Variants in RICTOR observed in about 807,000 individuals in gnomAD.
RICTOR encodes RPTOR independent companion of MTOR complex 2, also known as rapamycin-insensitive companion of mTOR.
RICTOR carries 49 observed loss-of-function variants against 214.9 expected under a neutral mutation model. The observed-to-expected ratio is 0.23, with a 90% CI of 0.18 to 0.29. The LOEUF (loss-of-function observed/expected upper bound fraction) is 0.29. Ranked by LOEUF, RICTOR falls within the 10% of genes least tolerant of loss-of-function variation. The probability of loss-of-function intolerance (pLI) is 1.00; values close to 1 mark genes in which losing one functional copy is unlikely to be tolerated. For missense variants in RICTOR, 1,625 were observed against 2,047.0 expected (o/e 0.79, Z 3.98); for synonymous variants, 717 against 711.3 (o/e 1.01, Z -0.13).
In RICTOR at chr5:39,009,123, A is replaced by G. The variant is rs373860023; in HGVS notation, c.196-5501T>C. 9.9e-5 allele frequency among the ~76,000 whole-genome samples: 15 copies of G among 152,280 alleles called. 1 individual carries two copies. The South Asian group carries it at 3.1e-3, about 32-fold the overall frequency. The stretch of plus-strand genomic sequence containing the variant: ...AATGAAAGGTTGTAAAATTCTACAA[A>G]TATACAAAGTCTTGTCCTTTAAAAG... On this transcript the variant is annotated intron_variant, in intron 3 of 37. Coordinates refer to ENST00000357387, the MANE Select transcript of RICTOR (RefSeq NM_152756.5).
chr5:39,057,223 C>G (rs570744418), intron 2 of RICTOR, among the ~76,000 whole-genome samples: 2 of 152,146 alleles, frequency 1.3e-5, no homozygotes, highest in African/African-American at 4.8e-5. Context: ...AAAGGCCTTA[C>G]AAGCTTTAGC....
intron 10 of RICTOR, among the ~76,000 whole-genome samples, 165 bp downstream of exon 10, chr5:38,975,372 C>T (rs1019119832): frequency 7.9e-5 from 12 of 152,108 alleles, no homozygotes; most frequent in African/African-American, 9.7e-5. Context: ...AAATTTCCTT[C>T]ACCATATTTT....
chr5:39,048,586 T>C (rs373382813), intron 2 of RICTOR, among the ~76,000 whole-genome samples: 1 of 152,192 alleles, frequency 6.6e-6, no homozygotes, highest in Non-Finnish European at 1.5e-5. Flanking sequence ...GGAACTAGCA[T>C]GTCCTGTGTG....
At chr5:38,997,029 T>C (rs1304609317) in intron 5 of RICTOR, 147 bp from the exon 6 acceptor site, 3 of 613,332 alleles carry the variant, frequency 4.9e-6, no homozygotes, top group South Asian at 4.1e-5. Context: ...CAGCATATAT[T>C]TATTTAATTA....
intron 2 of RICTOR, among the ~76,000 whole-genome samples, chr5:39,048,098 A>AACT (rs1413544133): frequency 6.6e-6 from 1 of 152,228 alleles, no homozygotes; most frequent in African/African-American, 2.4e-5. Flanking sequence ...CCCTAAGAAC[A>AACT]ACTACCTGGC....
At chr5:39,071,785 G>A (rs1260810548) in intron 2 of RICTOR, among the ~76,000 whole-genome samples, 4 of 152,138 alleles carry the variant, frequency 2.6e-5, no homozygotes, top group Non-Finnish European at 5.9e-5. Context: ...ACTACACAAT[G>A]AATCTCTCAA....
At chr5:39,029,364 AT>A (rs1756096915) in intron 2 of RICTOR, among the ~76,000 whole-genome samples, 1 of 152,108 alleles carries the variant, frequency 6.6e-6, no homozygotes, top group Non-Finnish European at 1.5e-5. Flanking sequence ...CTAATTATTC[AT>A]TTATTTATTT....
At chr5:38,997,065 T>A (rs1036152368) in intron 5 of RICTOR, among the ~76,000 whole-genome samples, 183 bp from the exon 6 acceptor site, 1 of 152,138 alleles carries the variant, frequency 6.6e-6, no homozygotes, top group Non-Finnish European at 1.5e-5. Flanking sequence ...GGGATAAATA[T>A]CTGTCATTTA....
At chr5:38,983,021 T>C (rs1001618862) in intron 7 of RICTOR, among the ~76,000 whole-genome samples, 1 of 152,134 alleles carries the variant, frequency 6.6e-6, no homozygotes, top group Admixed American at 6.6e-5. Flanking sequence ...CTTAATGGTA[T>C]AGTTCAATAA....
intron 15 of RICTOR, among the ~76,000 whole-genome samples, chr5:38,966,323 T>C (rs1052744925): frequency 6.6e-6 from 1 of 152,244 alleles, no homozygotes; most frequent in African/African-American, 2.4e-5. Context: ...GAAGTCTTTC[T>C]GAGATCAATT....
At chr5:38,967,004 T>A in intron 14 of RICTOR, 157 bp downstream of exon 14, 1 of 686,192 alleles carries the variant, frequency 1.5e-6, no homozygotes, top group Non-Finnish European at 2.6e-6. Flanking sequence ...TTTCACCATG[T>A]TGGTCAGGCT....
Position 38,959,926 on chromosome 5 carries a change from T to C in RICTOR, c.1904A>G (p.Asn635Ser), listed in dbSNP as rs1282067199. The part of the protein sequence containing the change: ...DLVKDIVQWL[N>S]ASSGMKPERS... ...TTCGGGTTTCATTCCAGATGAAGCA[T>C]TGAGCCACTGAACAATATCCTTTAC... The change falls in exon 21 of 38, where the codon AAT (asparagine) becomes AGT (serine). Residue 635 changes from asparagine (N) to serine (S), a missense_variant. By Grantham distance (46) the Asn-to-Ser change is conservative (BLOSUM62 1). Coordinates refer to ENST00000357387, the MANE Select transcript of RICTOR (RefSeq NM_152756.5). 4.3e-6 allele frequency: 7 copies of C among 1,613,412 alleles called. No homozygotes were observed. Among genetic ancestry groups the C allele is most frequent in the East Asian group, 2.2e-5 (1 of 44,830 alleles).
At chr5:38,975,853 C>T (rs10473126) in intron 9 of RICTOR, among the ~76,000 whole-genome samples, 147,249 of 152,324 alleles carry the variant, frequency 0.97, 71,228 homozygotes, top group East Asian at 0.99. Flanking sequence ...ATTCCTGCTC[C>T]CTGAAAACTA....
chr5:38,945,095 T>G (rs756890320), intron 34 of RICTOR, 27 bp from the exon 35 acceptor site: 7 of 1,508,140 alleles, frequency 4.6e-6, no homozygotes, highest in South Asian at 1.2e-5. Context: ...TTATTTCAAT[T>G]AAAGCACCAT....
intron 19 of RICTOR, among the ~76,000 whole-genome samples, chr5:38,961,346 C>T (rs1749777656): frequency 6.6e-6 from 1 of 152,068 alleles, no homozygotes; most frequent in Non-Finnish European, 1.5e-5. Flanking sequence ...CAATAATGTT[C>T]TATTGTTAAG....
chr5:39,002,900 ATTGAG>A (rs1348588985), intron 4 of RICTOR, among the ~76,000 whole-genome samples: 1 of 152,078 alleles, frequency 6.6e-6, no homozygotes, highest in African/African-American at 2.4e-5. Context: ...AGAAAATGTT[ATTGAG>A]TTCTTTCTTA....
intron 35 of RICTOR, 57 bp from the exon 36 acceptor site, chr5:38,944,626 AACTC>A (rs1278676881): frequency 4.9e-6 from 7 of 1,415,396 alleles, no homozygotes; most frequent in Non-Finnish European, 6.8e-6. Flanking sequence ...AAATGATTAA[AACTC>A]ATGAAATTTA....
At chr5:39,073,394 CCG>C (rs757652455) in intron 2 of RICTOR, among the ~76,000 whole-genome samples, 4 of 152,124 alleles carry the variant, frequency 2.6e-5, no homozygotes, top group Non-Finnish European at 5.9e-5. Flanking sequence ...AAAATATCAC[CCG>C]AGTTTCCCCA....
At chr5:38,996,562 T>C (rs1259653090) in intron 6 of RICTOR, among the ~76,000 whole-genome samples, 1 of 152,200 alleles carries the variant, frequency 6.6e-6, no homozygotes, top group Non-Finnish European at 1.5e-5. Flanking sequence ...ACATGTCTAC[T>C]GAAGGAAGAA....
Sources: allele counts gnomAD v4.1 joint callset (sites outside exome capture counted in the v4.1 genomes callset), GRCh38; gene constraint gnomAD v4.1.1; transcripts MANE v1.5; gene names NCBI Gene and HGNC (gene_info 2026-07-23, HGNC 2026-07-21).